The following GABRR3 variants were observed in gnomAD, a reference collection of about 807,000 sequenced individuals.
GABRR3 encodes the protein gamma-aminobutyric acid type A receptor subunit rho3.
In GABRR3, 29 loss-of-function variants were observed where a neutral mutation model predicts 43.2. The ratio of observed to expected loss-of-function variants is 0.67; its 90% CI spans 0.50 to 0.92. The LOEUF (loss-of-function observed/expected upper bound fraction) is 0.92, where lower values mean the gene tolerates loss of function less well. Ranked by LOEUF, GABRR3 falls within the 40% of genes least tolerant of loss-of-function variation. GABRR3 has a pLI of 0.00. For synonymous variants in GABRR3, 206 were observed against 195.9 expected (o/e 1.05, Z -0.43); for missense variants, 576 against 572.3 (o/e 1.01, Z -0.07).
At chr3:98,007,991 A>G in intron 6 of GABRR3, 87 bp from the exon 7 acceptor site, 1 of 1,088,140 alleles carries the variant, frequency 9.2e-7, no homozygotes, top group Non-Finnish European at 1.3e-6. Flanking sequence ...GTGGCTCTGT[A>G]TCCTTAGTGC....
rs1324921405 is a variant in GABRR3 at position 97,990,536 on chromosome 3, C to T, written c.1104+2316G>A. ...CTAATTTTTGTATTTTTAGTAGACACGGGGTTTCATATGTTGGACAGGCTG... is the reference window on the plus strand; with the variant it reads ...CTAATTTTTGTATTTTTAGTAGACATGGGGTTTCATATGTTGGACAGGCTG... On this transcript the variant is annotated intron_variant, in intron 9 of 9. Coordinates refer to ENST00000621172, the Ensembl canonical transcript of GABRR3. Among the ~76,000 whole-genome samples the T allele has an allele frequency of 2.6e-5, 4 of 151,948 alleles. No individual in the cohort carries two copies. The East Asian group carries it at 5.8e-4, about 22-fold the overall frequency.
chr3:98,007,681 C>A, intron 7 of GABRR3, 83 bp downstream of exon 7: 1 of 1,470,958 alleles, frequency 6.8e-7, no homozygotes, highest in Non-Finnish European at 9.4e-7. Flanking sequence ...CGCTTGGATT[C>A]CGGTCTTTTC....
At chr3:98,004,987 T>C (rs987332801) in intron 7 of GABRR3, among the ~76,000 whole-genome samples, 1 of 152,090 alleles carries the variant, frequency 6.6e-6, no homozygotes, top group African/African-American at 2.4e-5. Context: ...AATAAGTTTC[T>C]AAATGTAATC....
At chr3:98,007,672 G>A (rs1184107570) in intron 7 of GABRR3, 92 bp downstream of exon 7, 24 of 1,391,646 alleles carry the variant, frequency 1.7e-5, no homozygotes, top group East Asian at 4.6e-5. Context: ...GGGGACACTC[G>A]CTTGGATTCC....
At chr3:98,017,520 G>A (rs1442082131) in intron 4 of GABRR3, 135 bp downstream of exon 4, 1 of 680,008 alleles carries the variant, frequency 1.5e-6, no homozygotes, top group Non-Finnish European at 2.6e-6. Flanking sequence ...CAGCAATCAT[G>A]ACCCTATGAT....
chr3:97,994,330 T>C (rs1706508603), intron 8 of GABRR3, among the ~76,000 whole-genome samples: 1 of 152,234 alleles, frequency 6.6e-6, no homozygotes, highest in Non-Finnish European at 1.5e-5. Flanking sequence ...ATAAAGTTTT[T>C]AGTTTGTATG....
rs1706743061 is a variant in GABRR3, at chr3:98,007,915, A to C, written c.614-11T>G. ...CCTCATTGTAGGCATCTAAAACATG[A>C]AAATATCAGTCTTGTAAGTGTAATA... On this transcript the variant is annotated splice_polypyrimidine_tract_variant and intron_variant, in intron 6 of 9. Transcript: ENST00000621172. 1 of 1,545,232 alleles carries C rather than the reference A, an allele frequency of 6.5e-7. No homozygotes were observed. Among genetic ancestry groups the C allele is most frequent in the Non-Finnish European group, 8.7e-7 (1 of 1,145,832 alleles).
intron 3 of GABRR3, among the ~76,000 whole-genome samples, chr3:98,024,161 C>T (rs1706983052): frequency 6.6e-6 from 1 of 152,152 alleles, no homozygotes; most frequent in Non-Finnish European, 1.5e-5. Context: ...AGTTTGAGAA[C>T]AACCTGACCA....
intron 3 of GABRR3, among the ~76,000 whole-genome samples, chr3:98,025,269 C>A (rs1016342971): frequency 3.9e-5 from 6 of 152,104 alleles, no homozygotes; most frequent in African/African-American, 1.4e-4. Context: ...AACATGTATC[C>A]AATTTAAGGA....
At chr3:97,993,168 G>C in intron 8 of GABRR3, 120 bp from the exon 9 acceptor site, 1 of 707,660 alleles carries the variant, frequency 1.4e-6, no homozygotes. Context: ...CCAAGAGGAG[G>C]GAAGGTGTGT....
At chr3:97,997,269 A>G (rs58955905) in intron 8 of GABRR3, among the ~76,000 whole-genome samples, 16,395 of 152,164 alleles carry the variant, frequency 0.11, 990 homozygotes, top group East Asian at 0.16. Flanking sequence ...GGTGGGGAGG[A>G]GGAGCCAATC....
chr3:98,034,717 G>T, intron 2 of GABRR3, 146 bp downstream of exon 2: 1 of 893,950 alleles, frequency 1.1e-6, no homozygotes, highest in Non-Finnish European at 1.7e-6. Context: ...GATTTATGAT[G>T]ATGCATGAAT....
chr3:98,019,811 G>A (rs1467152810), intron 3 of GABRR3, among the ~76,000 whole-genome samples: 5 of 152,050 alleles, frequency 3.3e-5, no homozygotes, highest in Admixed American at 1.3e-4. Flanking sequence ...TGATCTGCCC[G>A]CCTAGGCCTC....
chr3:98,020,874 T>A (rs1431025624), intron 3 of GABRR3, among the ~76,000 whole-genome samples: 1 of 145,484 alleles, frequency 6.9e-6, no homozygotes, highest in African/African-American at 2.5e-5. Context: ...CTTTTTCTTT[T>A]TTTTTTTTTT....
intron 9 of GABRR3, among the ~76,000 whole-genome samples, chr3:97,989,716 A>G (rs973991457): frequency 9.9e-5 from 15 of 151,970 alleles, no homozygotes; most frequent in Non-Finnish European, 1.6e-4. Flanking sequence ...TGGTGTCCGC[A>G]TTGGTGTCCA....
At chr3:98,007,991 A>T in intron 6 of GABRR3, 87 bp from the exon 7 acceptor site, 1 of 1,088,140 alleles carries the variant, frequency 9.2e-7, no homozygotes, top group Non-Finnish European at 1.3e-6. Context: ...GTGGCTCTGT[A>T]TCCTTAGTGC....
At chr3:97,993,489 G>A (rs968405301) in intron 8 of GABRR3, among the ~76,000 whole-genome samples, 2 of 152,030 alleles carry the variant, frequency 1.3e-5, no homozygotes, top group East Asian at 1.9e-4. Flanking sequence ...TCATGCTTCC[G>A]GGGAGCTTAT....
At chr3:98,017,632 C>T (rs1434567252) in intron 4 of GABRR3, 23 bp downstream of exon 4, 83 of 1,576,678 alleles carry the variant, frequency 5.3e-5, no homozygotes, top group Non-Finnish European at 6.9e-5. Flanking sequence ...AGAAAAAGAG[C>T]AATATCCCAT....
chr3:97,994,768 T>C (rs918995303), intron 8 of GABRR3, among the ~76,000 whole-genome samples: 1 of 152,216 alleles, frequency 6.6e-6, no homozygotes, highest in African/African-American at 2.4e-5. Context: ...TCAGAGTGGC[T>C]AAGGGATTCC....
Sources: gnomAD v4.1 joint callset for allele counts (sites outside exome capture counted in the v4.1 genomes callset) on GRCh38, gnomAD v4.1.1 for gene constraint, MANE v1.5 for transcripts, NCBI Gene and HGNC (gene_info 2026-07-23, HGNC 2026-07-21) for gene names.